Variants in KLF8 observed in about 807,000 individuals in gnomAD.
The protein encoded by KLF8 is Krueppel-like factor 8.
KLF8 carries 10 observed loss-of-function variants against 18.2 expected under a neutral mutation model. That is an observed-to-expected ratio of 0.55 (90% CI 0.34 to 0.93). KLF8 has a LOEUF of 0.93. KLF8 is among the 40% of genes least tolerant of loss of function. The probability of loss-of-function intolerance (pLI) is 0.02; values close to 1 mark genes in which losing one functional copy is unlikely to be tolerated. For synonymous variants in KLF8, 109 were observed against 97.3 expected, an observed-to-expected ratio of 1.12 and a Z score of -0.71; for missense variants, 264 against 277.9, an observed-to-expected ratio of 0.95 and a Z score of 0.36.
At chrX:55,936,002 T>C in the KLF8 span, among the ~76,000 whole-genome samples, 18 of 112,323 alleles carry the variant, frequency 1.6e-4, no homozygotes, top group African/African-American at 5.8e-4. Context: ...TATAGCAGCA[T>C]GCTATAATTT....
chrX:56,060,389 C>T, the KLF8 span, among the ~76,000 whole-genome samples: 2 of 111,577 alleles, frequency 1.8e-5, no homozygotes, highest in South Asian at 7.5e-4. Flanking sequence ...GAGTTTTTAG[C>T]ATGAAGAGGT....
the KLF8 span, among the ~76,000 whole-genome samples, chrX:55,986,802 A>G: frequency 9.0e-6 from 1 of 111,607 alleles, no homozygotes; most frequent in African/African-American, 3.3e-5. Context: ...CACTCAGGTA[A>G]TGAGTATAGC....
the KLF8 span, among the ~76,000 whole-genome samples, chrX:56,092,849 AC>A: frequency 9.1e-6 from 1 of 110,396 alleles, no homozygotes; most frequent in African/African-American, 3.3e-5. Context: ...AAACTCTGTC[AC>A]AGAATCAAAA....
chrX:56,029,246 T>C, the KLF8 span, among the ~76,000 whole-genome samples: 3 of 110,790 alleles, frequency 2.7e-5, no homozygotes, highest in Admixed American at 9.6e-5. Context: ...CAGGGGACCA[T>C]AAGGACCATG....
the KLF8 span, among the ~76,000 whole-genome samples, chrX:56,223,138 C>A: frequency 8.8e-6 from 1 of 113,133 alleles, no homozygotes; most frequent in Non-Finnish European, 1.9e-5. Flanking sequence ...GTTCTTTGAA[C>A]CCCGCTACAA....
chrX:55,950,407 TA>T, the KLF8 span, among the ~76,000 whole-genome samples: 1 of 111,106 alleles, frequency 9.0e-6, no homozygotes, highest in East Asian at 2.8e-4. Flanking sequence ...GCCTCTAGAG[TA>T]AAACAGACCC....
At position 56,265,499 on chromosome X, in the gene KLF8, A is replaced by G. The variant is rs1221527601; in HGVS notation, c.401A>G (p.Asn134Ser). The G allele has an allele frequency of 8.3e-7, 1 of 1,210,226 alleles. No individual in the cohort carries two copies. Among genetic ancestry groups the G allele is most frequent in the African/African-American group, 1.7e-5 (1 of 57,255 alleles). The stretch of plus-strand genomic sequence containing the variant: ...ACATCTGACATGAGCACTTCAGCAA[A>G]CATTCCTACTGTTCTGACCCCAGGC... Reference protein sequence around the residue: ...TSTSDMSTSANIPTVLTPGSV... With the variant: ...TSTSDMSTSASIPTVLTPGSV... The change falls in exon 3 of 6, where the codon AAC (asparagine) becomes AGC (serine). Residue 134 changes from asparagine to serine, a missense_variant. This residue lies in a region of KLF8 where 221 missense variants were observed against 193.6 expected (regional missense o/e 1.14). Coordinates refer to ENST00000468660, the MANE Select transcript of KLF8 (RefSeq NM_007250.5).
chrX:56,067,077 T>C, the KLF8 span, among the ~76,000 whole-genome samples: 1 of 108,767 alleles, frequency 9.2e-6, no homozygotes, highest in East Asian at 3.0e-4. Flanking sequence ...TTTTCTGTCT[T>C]TTTTCTGTTA....
At chrX:55,938,812 G>C in the KLF8 span, among the ~76,000 whole-genome samples, 3 of 111,494 alleles carry the variant, frequency 2.7e-5, no homozygotes, top group Non-Finnish European at 3.8e-5. Flanking sequence ...ATCAATTCAA[G>C]AAGAAGACCT....
chrX:56,214,027 C>G, the KLF8 span, among the ~76,000 whole-genome samples: 335 of 111,569 alleles, frequency 3.0e-3, 1 homozygote, highest in Middle Eastern at 9.3e-3. Context: ...GTTCAGCCAT[C>G]TCCAGCTGGA....
intron 1 of KLF8, among the ~76,000 whole-genome samples, chrX:56,238,550 G>T (rs2066506869): frequency 9.0e-6 from 1 of 111,405 alleles, no homozygotes; most frequent in Admixed American, 9.5e-5. Context: ...TTCTCTCTTG[G>T]CAATAATTGC....
chrX:56,068,621 G>A, the KLF8 span, among the ~76,000 whole-genome samples: 2 of 111,339 alleles, frequency 1.8e-5, no homozygotes, highest in Non-Finnish European at 1.9e-5. Flanking sequence ...CAACAGCTTC[G>A]TTTCTGTGTA....
the KLF8 span, among the ~76,000 whole-genome samples, chrX:56,147,602 C>T: frequency 9.0e-6 from 1 of 111,706 alleles, no homozygotes; most frequent in Admixed American, 9.5e-5. Context: ...TTAAGAGTTG[C>T]CAGTGGGTGG....
the KLF8 span, among the ~76,000 whole-genome samples, chrX:56,190,850 C>A: frequency 9.0e-6 from 1 of 111,215 alleles, no homozygotes; most frequent in Non-Finnish European, 1.9e-5. Flanking sequence ...GATATAAATA[C>A]CTATCTCAAA....
the KLF8 span, among the ~76,000 whole-genome samples, chrX:56,164,721 T>G: frequency 1.3e-5 from 1 of 78,876 alleles, no homozygotes; most frequent in South Asian, 7.1e-4. Flanking sequence ...TTTTCTTTCT[T>G]GTTATCTCTT....
At chrX:56,185,489 G>T in the KLF8 span, among the ~76,000 whole-genome samples, 6 of 111,442 alleles carry the variant, frequency 5.4e-5, no homozygotes, top group Admixed American at 9.6e-5. Flanking sequence ...ATCTAGCAAG[G>T]CAGGCCAACA....
chrX:56,121,754 TATC>T, the KLF8 span, among the ~76,000 whole-genome samples: 1 of 112,297 alleles, frequency 8.9e-6, no homozygotes, highest in South Asian at 3.7e-4. Context: ...TGATGTGACT[TATC>T]ATATACTTCA....
chrX:56,105,982 A>T, the KLF8 span, among the ~76,000 whole-genome samples: 1 of 111,030 alleles, frequency 9.0e-6, no homozygotes, highest in African/African-American at 3.3e-5. Flanking sequence ...TATGAAGCTG[A>T]ATTTGGTTGG....
the KLF8 span, among the ~76,000 whole-genome samples, chrX:56,221,088 A>G: frequency 1.8e-5 from 2 of 112,441 alleles, no homozygotes; most frequent in Non-Finnish European, 3.7e-5. Flanking sequence ...AAGCATAATA[A>G]GCCATATTGA....
Sources: gnomAD v4.1 joint callset for allele counts (sites outside exome capture counted in the v4.1 genomes callset) on GRCh38, gnomAD v4.1.1 for gene constraint, gnomAD v4.1.1 regional missense constraint, MANE v1.5 for transcripts, NCBI Gene and HGNC (gene_info 2026-07-23, HGNC 2026-07-21) for gene names.